Variants in LUZP2 observed in about 807,000 individuals in gnomAD.
LUZP2 encodes the protein leucine zipper protein 2.
In LUZP2, 52 loss-of-function variants were observed where a neutral mutation model predicts 51.6. The observed-to-expected ratio is 1.01, with a 90% CI of 0.81 to 1.27. The LOEUF is 1.27. Among genes scored for constraint, LUZP2 ranks in the 50% most tolerant of loss-of-function variants. The pLI, the probability that LUZP2 is intolerant of heterozygous loss-of-function variation, is 0.00. For missense variants in LUZP2, 436 were observed against 395.4 expected (o/e 1.10, Z -0.87); for synonymous variants, 154 against 137.3 (o/e 1.12, Z -0.85).
At chr11:24,662,291 TCAA>T (rs1322263750) in intron 1 of LUZP2, among the ~76,000 whole-genome samples, 2 of 151,776 alleles carry the variant, frequency 1.3e-5, no homozygotes, top group African/African-American at 4.8e-5. Flanking sequence ...GAAAAAAAAA[TCAA>T]CAATTGTAGA....
In LUZP2 at chr11:24,497,235, G is replaced by A. The variant is rs760284721; in HGVS notation, c.-9G>A. 6.5e-7 allele frequency: 1 copy of A among 1,537,008 alleles called. No homozygotes were observed. Among genetic ancestry groups the A allele is most frequent in the Non-Finnish European group, 8.8e-7 (1 of 1,138,152 alleles). On this transcript the variant is annotated 5_prime_UTR_variant, in exon 1 of 12. Transcript: ENST00000336930. Reference sequence around the variant, plus strand: ...CAGCGAGGGAAGGAGGACCCCGGCAGGCAGCAGCATGAAATTCAGCCCAGC... The same window carrying A: ...CAGCGAGGGAAGGAGGACCCCGGCAAGCAGCAGCATGAAATTCAGCCCAGC...
At chr11:24,572,793 T>A (rs10834390) in intron 1 of LUZP2, among the ~76,000 whole-genome samples, 13 of 151,764 alleles carry the variant, frequency 8.6e-5, no homozygotes, top group Non-Finnish European at 1.6e-4. Context: ...ATAATTTTAC[T>A]TTATCTAAAG....
At chr11:24,537,842 C>T (rs913293984) in intron 1 of LUZP2, among the ~76,000 whole-genome samples, 2 of 151,812 alleles carry the variant, frequency 1.3e-5, no homozygotes, top group African/African-American at 2.4e-5. Context: ...TATCCTTAAA[C>T]AAACGTTTCA....
rs368305958 is a variant in LUZP2 at position 24,876,397 on chromosome 11, G to C, written c.397-29594G>C. ...TGTTTTTCTCAGGTTTGTCAAAGAT[G>C]AGATAGTTGTAGATATGCGGCGTTA... On this transcript the variant is annotated intron_variant, in intron 5 of 11. Coordinates refer to ENST00000336930, the MANE Select transcript of LUZP2 (RefSeq NM_001009909.4). 1.1e-4 allele frequency among the ~76,000 whole-genome samples: 17 copies of C among 150,108 alleles called. No individual in the cohort carries two copies. In the East Asian group the frequency reaches 2.2e-3, roughly 19 times the overall value.
chr11:24,706,683 T>G lies in LUZP2; in HGVS notation c.63-22486T>G, dbSNP rs10834437. 4.6e-5 allele frequency among the ~76,000 whole-genome samples: 7 copies of G among 151,868 alleles called. No homozygotes were observed. The East Asian group carries it at 1.4e-3, about 30-fold the overall frequency. On this transcript the variant is annotated intron_variant, in intron 1 of 11. Transcript: ENST00000336930. Reference sequence around the variant, plus strand: ...TGAAATCTCGTTTAAAATGTAATACTTTAGGAGCCAGCCTTATTTTTGAAC... The same window carrying G: ...TGAAATCTCGTTTAAAATGTAATACGTTAGGAGCCAGCCTTATTTTTGAAC...
At chr11:24,755,523 G>A (rs569656086) in intron 4 of LUZP2, among the ~76,000 whole-genome samples, 2 of 152,152 alleles carry the variant, frequency 1.3e-5, no homozygotes, top group East Asian at 1.9e-4. Flanking sequence ...CCAAGGATTC[G>A]AACATGTTGC....
intron 1 of LUZP2, among the ~76,000 whole-genome samples, chr11:24,582,889 G>A (rs1391932136): frequency 1.1e-4 from 16 of 152,156 alleles, no homozygotes; most frequent in Admixed American, 1.0e-3. Flanking sequence ...GAATAAAAAG[G>A]AATATACACA....
At chr11:24,550,670 C>T (rs1344884705) in intron 1 of LUZP2, among the ~76,000 whole-genome samples, 1 of 152,046 alleles carries the variant, frequency 6.6e-6, no homozygotes, top group Non-Finnish European at 1.5e-5. Context: ...TCTTTTGGAA[C>T]AGGAATGAAT....
chr11:24,497,221 G>T lies in LUZP2; in HGVS notation c.-23G>T. Reference sequence around the variant, plus strand: ...AGAGAGAGAGAAGGCAGCGAGGGAAGGAGGACCCCGGCAGGCAGCAGCATG... The same window carrying T: ...AGAGAGAGAGAAGGCAGCGAGGGAATGAGGACCCCGGCAGGCAGCAGCATG... On this transcript the variant is annotated 5_prime_UTR_variant, in exon 1 of 12. The change creates a new upstream start codon in the 5' untranslated region. Transcript: ENST00000336930. 4.6e-6 allele frequency: 7 copies of T among 1,520,646 alleles called. No homozygotes were observed. The highest frequency in any genetic ancestry group is 3.5e-6 in the Non-Finnish European group (4 of 1,128,466). The allele number at this position is 1,520,646 out of a possible 1,614,324, so 94.2% of individuals were successfully genotyped here.
intron 1 of LUZP2, among the ~76,000 whole-genome samples, chr11:24,631,085 A>C (rs1033287334): frequency 2.0e-5 from 3 of 151,930 alleles, no homozygotes; most frequent in Non-Finnish European, 4.4e-5. Flanking sequence ...AAATCTAAAA[A>C]GTTTTCTGGT....
In LUZP2 at chr11:25,030,960, ACAATATATAT is replaced by A. The variant is rs1857650497; in HGVS notation, c.766-19077_766-19068del. Among the ~76,000 whole-genome samples the A allele has an allele frequency of 4.5e-4, 2 of 4,490 alleles. 1 individual carries two copies. Among genetic ancestry groups the A allele is most frequent in the Non-Finnish European group, 6.3e-4 (2 of 3,178 alleles). The allele number at this position is 4,490 out of a possible 152,430, so 2.9% of individuals were successfully genotyped here. On this transcript the variant is annotated intron_variant, in intron 9 of 11. Transcript: ENST00000336930. ...ATATTATATATATTATATATATAATACAATATATATTATATATATATAATACAATATATAT... is the reference window on the plus strand; with the variant it reads ...ATATTATATATATTATATATATAATATATATATATATAATACAATATATAT...
At chr11:24,773,221 C>CT (rs1848803310) in intron 5 of LUZP2, among the ~76,000 whole-genome samples, 1 of 148,840 alleles carries the variant, frequency 6.7e-6, no homozygotes, top group African/African-American at 2.6e-5. Flanking sequence ...TTACTTAATT[C>CT]CAATATTGTC....
intron 5 of LUZP2, among the ~76,000 whole-genome samples, chr11:24,790,464 C>T (rs889607768): frequency 5.9e-5 from 9 of 151,742 alleles, no homozygotes; most frequent in Non-Finnish European, 1.0e-4. Context: ...CTGTTTATCT[C>T]ACTGATCATT....
intron 1 of LUZP2, among the ~76,000 whole-genome samples, chr11:24,671,848 A>C (rs1159738267): frequency 6.6e-6 from 1 of 152,180 alleles, no homozygotes; most frequent in Non-Finnish European, 1.5e-5. Flanking sequence ...AATAGGCTAA[A>C]TGAGTACGGG....
At chr11:24,715,163 TG>T (rs1356097928) in intron 1 of LUZP2, among the ~76,000 whole-genome samples, 1 of 127,740 alleles carries the variant, frequency 7.8e-6, no homozygotes, top group African/African-American at 2.8e-5. Context: ...AGTAAATGTT[TG>T]AAAAAAAGAC....
intron 10 of LUZP2, among the ~76,000 whole-genome samples, chr11:25,063,284 G>A (rs1483831508): frequency 6.6e-6 from 1 of 151,670 alleles, no homozygotes; most frequent in South Asian, 2.1e-4. Flanking sequence ...TTATTTAAGG[G>A]ACTTGAGCAT....
intron 5 of LUZP2, among the ~76,000 whole-genome samples, chr11:24,858,607 A>C (rs1379876768): frequency 2.6e-5 from 4 of 152,230 alleles, no homozygotes; most frequent in African/African-American, 9.6e-5. Flanking sequence ...ATGCAAAGAA[A>C]CTTAATAATC....
At chr11:24,716,505 G>T (rs1176490632) in intron 1 of LUZP2, among the ~76,000 whole-genome samples, 1 of 152,160 alleles carries the variant, frequency 6.6e-6, no homozygotes, top group Non-Finnish European at 1.5e-5. Flanking sequence ...GTCAAGAAGG[G>T]TTCCAAGAAT....
chr11:25,028,942 A>C (rs1029513475), intron 9 of LUZP2, among the ~76,000 whole-genome samples: 2 of 152,240 alleles, frequency 1.3e-5, no homozygotes, highest in African/African-American at 4.8e-5. Flanking sequence ...AAGGCAACAA[A>C]GAACTTAAAA....
Sources: gnomAD v4.1 joint callset for allele counts (sites outside exome capture counted in the v4.1 genomes callset) on GRCh38, gnomAD v4.1.1 for gene constraint, MANE v1.5 for transcripts, NCBI Gene and HGNC (gene_info 2026-07-23, HGNC 2026-07-21) for gene names.